DGKI: variants seen among roughly 807,000 people sequenced by gnomAD.
The protein encoded by DGKI is DAG kinase iota.
In DGKI, 55 loss-of-function variants were observed where a neutral mutation model predicts 147.5. The ratio of observed to expected loss-of-function variants is 0.37; its 90% CI spans 0.30 to 0.47. DGKI has a LOEUF of 0.47. DGKI is among the 20% of genes least tolerant of loss of function. The pLI is 1.00. For synonymous variants in DGKI, 469 were observed against 477.1 expected, an observed-to-expected ratio of 0.98 and a Z score of 0.22; for missense variants, 1,007 against 1,323.8, an observed-to-expected ratio of 0.76 and a Z score of 3.71.
intron 18 of DGKI, 62 bp from the exon 19 acceptor site, chr7:137,571,348 G>T: frequency 2.6e-6 from 3 of 1,175,496 alleles, no homozygotes; most frequent in Non-Finnish European, 3.7e-6. Flanking sequence ...CTATCATGAG[G>T]TGTTAGTTTG....
intron 29 of DGKI, among the ~76,000 whole-genome samples, chr7:137,409,245 CT>C (rs1372117358): frequency 6.6e-6 from 1 of 152,128 alleles, no homozygotes; most frequent in Non-Finnish European, 1.5e-5. Context: ...ATTAAAAATA[CT>C]TTCTTAAAAA....
intron 3 of DGKI, among the ~76,000 whole-genome samples, chr7:137,671,768 T>C (rs1822849900): frequency 6.6e-6 from 1 of 152,204 alleles, no homozygotes; most frequent in South Asian, 2.1e-4. Context: ...TCAGTAAAAC[T>C]GTATTTGGCA....
chr7:137,846,769 T>TGGCGGCGGC lies in DGKI; in HGVS notation c.85_93dup (p.Ala29_Ala31dup), dbSNP rs527683728. 3.8e-6 allele frequency: 4 copies of TGGCGGCGGC among 1,050,556 alleles called. No homozygotes were observed. Among genetic ancestry groups the TGGCGGCGGC allele is most frequent in the African/African-American group, 1.7e-5 (1 of 58,330 alleles). The allele number at this position is 1,050,556 out of a possible 1,614,324, so 65.1% of individuals were successfully genotyped here. A position where few individuals can be genotyped will look rare whatever the true frequency, so the allele number is the denominator to read the frequency against. On this transcript the variant is annotated inframe_insertion, in exon 1 of 33. Coordinates refer to ENST00000614521, the MANE Select transcript of DGKI (RefSeq NM_001321708.2). This position sits in a 1 kb window ranked among gnomAD's most constrained non-coding sequence, Gnocchi z 4.0. ...GCGCCGCTGCAGGGGCCGGGCGGGC[T>TGGCGGCGGC]GGCGGCGGCGGCGGCGGCGGCTGCA...
chr7:137,481,159 T>C (rs1815358780), intron 23 of DGKI, among the ~76,000 whole-genome samples: 1 of 152,128 alleles, frequency 6.6e-6, no homozygotes, highest in Admixed American at 6.6e-5. Context: ...AACAGCATCC[T>C]TGGCCTTTAT....
At chr7:137,844,868 G>C (rs534535391) in intron 1 of DGKI, among the ~76,000 whole-genome samples, 4 of 152,298 alleles carry the variant, frequency 2.6e-5, no homozygotes, top group Admixed American at 6.5e-5. Context: ...GCCAGGAGCA[G>C]CCTACACTGT....
chr7:137,761,575 A>ACCATGTTCTCCTCTTTCTTCTTCTTT (rs1795857550), intron 1 of DGKI, among the ~76,000 whole-genome samples: 1 of 151,982 alleles, frequency 6.6e-6, no homozygotes, highest in Non-Finnish European at 1.5e-5. Context: ...GATACTCTTC[A>ACCATGTTCTCCTCTTTCTTCTTCTTT]CCATGTTCTC....
Position 137,731,321 on chromosome 7 carries a change from GT to G in DGKI, c.402-41320del, listed in dbSNP as rs145413588. Among the ~76,000 whole-genome samples the G allele has an allele frequency of 3.0e-3, 451 of 152,050 alleles. 1 individual carries two copies. The highest frequency in any genetic ancestry group is 3.9e-3 in the Non-Finnish European group (265 of 67,944). Reference sequence around the variant, plus strand: ...ATTTTTGCCTACAGATTTATTATTTGTCTCCTTCCACGTAAACATAAGCTTC... The same window carrying G: ...ATTTTTGCCTACAGATTTATTATTTGCTCCTTCCACGTAAACATAAGCTTC... On this transcript the variant is annotated intron_variant, in intron 1 of 32. Coordinates refer to ENST00000614521, the MANE Select transcript of DGKI (RefSeq NM_001321708.2).
intron 1 of DGKI, among the ~76,000 whole-genome samples, chr7:137,710,500 C>T (rs1182368459): frequency 2.0e-5 from 3 of 152,080 alleles, no homozygotes; most frequent in Non-Finnish European, 4.4e-5. Context: ...TATGACAGAA[C>T]TGGCATTACA....
intron 19 of DGKI, among the ~76,000 whole-genome samples, chr7:137,556,031 T>G (rs990494037): frequency 6.6e-6 from 1 of 152,166 alleles, no homozygotes; most frequent in Non-Finnish European, 1.5e-5. Context: ...TATTATGGTT[T>G]ATTGTTAAGA....
intron 1 of DGKI, among the ~76,000 whole-genome samples, chr7:137,695,803 C>T (rs1377691149): frequency 6.6e-6 from 1 of 152,212 alleles, no homozygotes; most frequent in African/African-American, 2.4e-5. Context: ...AGAATGCAAA[C>T]TTCTACCAGC....
chr7:137,608,468 T>C (rs1434686445), intron 10 of DGKI, among the ~76,000 whole-genome samples: 2 of 152,194 alleles, frequency 1.3e-5, no homozygotes, highest in African/African-American at 2.4e-5. Flanking sequence ...TAGGACCAAG[T>C]GAAACCTTAA....
chr7:137,471,534 T>G (rs1424777447), intron 23 of DGKI, among the ~76,000 whole-genome samples: 2 of 152,160 alleles, frequency 1.3e-5, no homozygotes, highest in East Asian at 3.9e-4. Flanking sequence ...TAGAAACTTG[T>G]CAGAAACACA....
intron 23 of DGKI, among the ~76,000 whole-genome samples, chr7:137,471,332 C>T (rs1226960910): frequency 6.6e-6 from 1 of 151,898 alleles, no homozygotes; most frequent in East Asian, 1.9e-4. Context: ...CAGCTGAAGC[C>T]GCAGGTGTGG....
intron 10 of DGKI, among the ~76,000 whole-genome samples, chr7:137,607,403 A>T (rs2128992209): frequency 6.6e-6 from 1 of 152,308 alleles, no homozygotes; most frequent in South Asian, 2.1e-4. Flanking sequence ...GTGAAATAGG[A>T]AGCAATATTA....
chr7:137,778,314 T>C (rs1004933875), intron 1 of DGKI, among the ~76,000 whole-genome samples: 2 of 152,018 alleles, frequency 1.3e-5, no homozygotes, highest in Non-Finnish European at 2.9e-5. Flanking sequence ...AAATGCCAAA[T>C]GGTTCAATAA....
chr7:137,752,172 G>C (rs1389948745), intron 1 of DGKI, among the ~76,000 whole-genome samples: 2 of 152,056 alleles, frequency 1.3e-5, no homozygotes, highest in Non-Finnish European at 2.9e-5. Flanking sequence ...AAAAGTTGTG[G>C]GGGGAGCAAA....
At chr7:137,725,838 T>C (rs1794702857) in intron 1 of DGKI, among the ~76,000 whole-genome samples, 1 of 152,204 alleles carries the variant, frequency 6.6e-6, no homozygotes, top group African/African-American at 2.4e-5. Flanking sequence ...CTAACTCTCT[T>C]CTTCTCTTTA....
At chr7:137,399,989 C>G (rs1333702940) in intron 30 of DGKI, among the ~76,000 whole-genome samples, 4 of 152,020 alleles carry the variant, frequency 2.6e-5, no homozygotes, top group Non-Finnish European at 5.9e-5. Context: ...ACCACAGGTA[C>G]TGCTTCAACT....
At chr7:137,453,924 GT>G (rs56891185) in intron 27 of DGKI, among the ~76,000 whole-genome samples, 2,459 of 138,364 alleles carry the variant, frequency 0.018, 55 homozygotes, top group African/African-American at 0.057. Flanking sequence ...GAAATATCTT[GT>G]TTTTTTTTTT....
Sources: allele counts gnomAD v4.1 joint callset (sites outside exome capture counted in the v4.1 genomes callset), GRCh38; gene constraint gnomAD v4.1.1; non-coding constraint Gnocchi (gnomAD v3.1); transcripts MANE v1.5; gene names NCBI Gene and HGNC (gene_info 2026-07-23, HGNC 2026-07-21).